SMIM35: variants seen among roughly 807,000 people sequenced by gnomAD.
SMIM35 encodes the protein TMPRSS4 antisense RNA 1 (non-protein coding).
At chr11:118,067,625 G>A (rs1944497985) in intron 1 of SMIM35, 1 of 151,832 alleles carries the variant, frequency 6.6e-6, no homozygotes, top group Non-Finnish European at 1.5e-5. Context: ...CCTGAGGTCA[G>A]GAGTTCAAGA....
chr11:118,007,796 A>G (rs901957181), intron 4 of SMIM35, among the ~76,000 whole-genome samples: 1 of 151,812 alleles, frequency 6.6e-6, no homozygotes, highest in African/African-American at 2.4e-5. Flanking sequence ...GACCAACCCA[A>G]TAGCTCTGCA....
intron 1 of SMIM35, among the ~76,000 whole-genome samples, chr11:118,021,964 C>T (rs879675329): frequency 6.6e-6 from 1 of 151,624 alleles, no homozygotes; most frequent in Non-Finnish European, 1.5e-5. Context: ...GGGGAATACA[C>T]ATTGTTCTCA....
intron 1 of SMIM35, among the ~76,000 whole-genome samples, chr11:118,027,302 C>T (rs534416428): frequency 1.3e-5 from 2 of 151,022 alleles, no homozygotes; most frequent in East Asian, 4.0e-4. Context: ...GCTGGGATTA[C>T]AGGCGTGAGC....
chr11:118,060,090 G>C (rs1224352044), intron 1 of SMIM35, among the ~76,000 whole-genome samples: 1 of 151,956 alleles, frequency 6.6e-6, no homozygotes, highest in African/African-American at 2.4e-5. Context: ...GAGGCAGCCA[G>C]GGCTGTGCCC....
chr11:118,019,712 C>A (rs1307351526), intron 1 of SMIM35, among the ~76,000 whole-genome samples: 1 of 151,352 alleles, frequency 6.6e-6, no homozygotes, highest in Non-Finnish European at 1.5e-5. Context: ...GAAGTTTTAA[C>A]GTTTTGTTTT....
chr11:118,074,849 C>T (rs1944630906), intron 1 of SMIM35, among the ~76,000 whole-genome samples: 1 of 152,144 alleles, frequency 6.6e-6, no homozygotes, highest in Non-Finnish European at 1.5e-5. Flanking sequence ...GTGCCTCCCT[C>T]TGTAAACCTT....
chr11:118,022,187 A>G (rs1421355876), intron 1 of SMIM35, among the ~76,000 whole-genome samples: 3 of 152,124 alleles, frequency 2.0e-5, no homozygotes, highest in African/African-American at 7.2e-5. Context: ...AGTAGCTGGG[A>G]CTACAGGTGC....
intron 1 of SMIM35, among the ~76,000 whole-genome samples, chr11:118,073,291 C>T (rs1944601777): frequency 6.6e-6 from 1 of 152,142 alleles, no homozygotes; most frequent in East Asian, 1.9e-4. Context: ...GTATTGTTAT[C>T]CCCACTTTAC....
chr11:118,046,840 A>C (rs975703293), intron 1 of SMIM35, among the ~76,000 whole-genome samples: 1 of 152,208 alleles, frequency 6.6e-6, no homozygotes, highest in Non-Finnish European at 1.5e-5. Flanking sequence ...CGGTATAGGG[A>C]GTTTCCCAAA....
At chr11:118,024,130 A>G (rs1434580578) in intron 1 of SMIM35, among the ~76,000 whole-genome samples, 2 of 124,634 alleles carry the variant, frequency 1.6e-5, no homozygotes, top group East Asian at 9.7e-4. Context: ...GGGAAAACAG[A>G]AAAAAAAATT....
At chr11:118,082,497 G>A (rs1372587119) in intron 1 of SMIM35, among the ~76,000 whole-genome samples, 1 of 151,524 alleles carries the variant, frequency 6.6e-6, no homozygotes, top group South Asian at 2.1e-4. Flanking sequence ...GGAGGCAGAG[G>A]TTGCAGTAAG....
At chr11:118,014,514 A>T (rs977509390) in intron 3 of SMIM35, among the ~76,000 whole-genome samples, 194 bp downstream of exon 3, 3 of 152,120 alleles carry the variant, frequency 2.0e-5, no homozygotes, top group African/African-American at 7.2e-5. Context: ...GGTTTCACAT[A>T]GTCCTGTCTG....
chr11:118,049,195 G>A (rs973383592), intron 1 of SMIM35, among the ~76,000 whole-genome samples: 4 of 151,994 alleles, frequency 2.6e-5, no homozygotes, highest in African/African-American at 9.7e-5. Context: ...GCCACACAGA[G>A]CCAGAGAGGG....
intron 1 of SMIM35, among the ~76,000 whole-genome samples, chr11:118,080,193 A>G (rs1019383932): frequency 6.6e-6 from 1 of 152,200 alleles, no homozygotes; most frequent in Non-Finnish European, 1.5e-5. Flanking sequence ...TGAAAAAGCA[A>G]TAGATTCTCT....
At chr11:118,049,080 G>A (rs186381356) in intron 1 of SMIM35, among the ~76,000 whole-genome samples, 106 of 152,050 alleles carry the variant, frequency 7.0e-4, no homozygotes, top group Middle Eastern at 3.4e-3. Context: ...GACATTGCCA[G>A]CGTGAGCTTT....
intron 1 of SMIM35, among the ~76,000 whole-genome samples, chr11:118,053,602 T>A (rs984137608): frequency 4.6e-5 from 7 of 152,192 alleles, no homozygotes; most frequent in Admixed American, 6.5e-5. Context: ...AAATGTTGCC[T>A]TCCCCCAAGA....
At chr11:118,053,168 G>T (rs879525096) in intron 1 of SMIM35, among the ~76,000 whole-genome samples, 1 of 152,114 alleles carries the variant, frequency 6.6e-6, no homozygotes, top group Non-Finnish European at 1.5e-5. Flanking sequence ...TTAGCCAGGC[G>T]TGTTGGCAGG....
At chr11:118,037,097 TCTCTCAGTCCCCC>T (rs2058365058) in intron 1 of SMIM35, among the ~76,000 whole-genome samples, 1 of 142,284 alleles carries the variant, frequency 7.0e-6, no homozygotes, top group Non-Finnish European at 1.6e-5. Context: ...GCTAGTCCTG[TCTCTCAGTCCCCC>T]CTCTCAACAG....
At chr11:118,021,546 G>T (rs1033297717) in intron 1 of SMIM35, among the ~76,000 whole-genome samples, 6 of 150,332 alleles carry the variant, frequency 4.0e-5, no homozygotes, top group Non-Finnish European at 8.9e-5. Flanking sequence ...CATTATTCTA[G>T]GGTTTATAAA....
Sources: gnomAD v4.1 joint callset for allele counts (sites outside exome capture counted in the v4.1 genomes callset) on GRCh38, gnomAD v4.1.1 for gene constraint, MANE v1.5 for transcripts, NCBI Gene and HGNC (gene_info 2026-07-23, HGNC 2026-07-21) for gene names.